Variants in AUTS2 observed in about 807,000 individuals in gnomAD.
AUTS2 encodes activator of transcription and developmental regulator AUTS2.
Under a neutral mutation model 112.4 loss-of-function variants are expected in AUTS2, and 17 were observed. The ratio of observed to expected loss-of-function variants is 0.15; its 90% confidence interval spans 0.10 to 0.23. AUTS2 has a LOEUF of 0.23. Among genes scored for constraint, AUTS2 ranks in the 10% least tolerant of loss-of-function variants. The probability of loss-of-function intolerance (pLI) is 1.00; values close to 1 mark genes in which losing one functional copy is unlikely to be tolerated. For synonymous variants in AUTS2, 751 were observed against 702.7 expected (o/e 1.07, Z -1.09); for missense variants, 1,510 against 1,701.6 (o/e 0.89, Z 1.98).
chr7:70,745,768 T>C (rs1337864061), intron 6 of AUTS2, among the ~76,000 whole-genome samples: 1 of 152,204 alleles, frequency 6.6e-6, no homozygotes, highest in Non-Finnish European at 1.5e-5. Flanking sequence ...AGTTTTATTG[T>C]ATATTGAAAA....
chr7:70,103,277 C>G (rs1804595366), intron 2 of AUTS2, among the ~76,000 whole-genome samples: 1 of 152,166 alleles, frequency 6.6e-6, no homozygotes, highest in South Asian at 2.1e-4. Flanking sequence ...GAATTCTAGG[C>G]CCATCTCTTC....
intron 5 of AUTS2, among the ~76,000 whole-genome samples, chr7:70,643,543 T>C (rs1805973698): frequency 1.3e-5 from 2 of 152,146 alleles, no homozygotes; most frequent in Non-Finnish European, 2.9e-5. Context: ...TGCACTCCAG[T>C]CTGGCAACAG....
At chr7:70,643,755 A>T (rs1434301866) in intron 5 of AUTS2, among the ~76,000 whole-genome samples, 1 of 152,020 alleles carries the variant, frequency 6.6e-6, no homozygotes, top group Non-Finnish European at 1.5e-5. Context: ...ATCATCTCTG[A>T]TCTCTCTCTT....
chr7:69,639,525 A>G (rs1794706619), intron 1 of AUTS2, among the ~76,000 whole-genome samples: 1 of 152,248 alleles, frequency 6.6e-6, no homozygotes, highest in African/African-American at 2.4e-5. Flanking sequence ...CTGTGGGCAG[A>G]ACCTAGAACT....
At chr7:69,685,954 T>G (rs1423308408) in intron 1 of AUTS2, among the ~76,000 whole-genome samples, 1 of 152,112 alleles carries the variant, frequency 6.6e-6, no homozygotes, top group Non-Finnish European at 1.5e-5. Flanking sequence ...GAGGTAGGTC[T>G]GAAAACATGA....
At chr7:70,258,228 G>C (rs1562827802) in intron 4 of AUTS2, among the ~76,000 whole-genome samples, 1 of 152,190 alleles carries the variant, frequency 6.6e-6, no homozygotes, top group Admixed American at 6.5e-5. Context: ...TGACAATGTT[G>C]AGACTGTAGT....
intron 1 of AUTS2, among the ~76,000 whole-genome samples, chr7:69,892,894 A>G (rs1794588347): frequency 6.6e-6 from 1 of 152,222 alleles, no homozygotes; most frequent in Admixed American, 6.5e-5. Flanking sequence ...AGTTGTTGAT[A>G]TATGTGTGGG....
rs1791753950 is a variant in AUTS2, at chr7:70,789,739, C to G, written c.2532-9C>G. 6 of 1,605,974 alleles carry G rather than the reference C, an allele frequency of 3.7e-6. No homozygotes were observed. The highest frequency in any genetic ancestry group is 2.7e-5 in the African/African-American group (2 of 74,686). On this transcript the variant is annotated splice_polypyrimidine_tract_variant and intron_variant, in intron 18 of 18. Transcript: ENST00000342771. ...CATCTGCGTCCTTGTCTTCCCCTCT[C>G]TCCCCCAGGGAAAGCGTCGAGAAGA...
At chr7:69,611,606 C>T (rs1218375741) in intron 1 of AUTS2, among the ~76,000 whole-genome samples, 1 of 152,214 alleles carries the variant, frequency 6.6e-6, no homozygotes, top group Non-Finnish European at 1.5e-5. Context: ...CTCAGCATGT[C>T]TATACTGCCT....
intron 4 of AUTS2, among the ~76,000 whole-genome samples, chr7:70,426,120 A>G (rs1192336799): frequency 6.6e-6 from 1 of 152,206 alleles, no homozygotes; most frequent in East Asian, 1.9e-4. Context: ...GTCTGGCTCC[A>G]TAGTTATATA....
intron 5 of AUTS2, among the ~76,000 whole-genome samples, chr7:70,506,176 T>C (rs1798952581): frequency 6.6e-6 from 1 of 152,024 alleles, no homozygotes; most frequent in South Asian, 2.1e-4. Context: ...ATCAGGATCA[T>C]AACAGAAGGT....
At chr7:69,992,094 G>A (rs565311798) in intron 2 of AUTS2, among the ~76,000 whole-genome samples, 3 of 152,280 alleles carry the variant, frequency 2.0e-5, no homozygotes, top group South Asian at 4.1e-4. Flanking sequence ...TGGGCATATC[G>A]TCTTCATGAC....
At chr7:70,408,002 C>T (rs1794612414) in intron 4 of AUTS2, among the ~76,000 whole-genome samples, 2 of 149,052 alleles carry the variant, frequency 1.3e-5, no homozygotes, top group South Asian at 2.1e-4. Context: ...TGCAGTGGGC[C>T]GAGATCGCGC....
chr7:70,246,194 T>C (rs1237374095), intron 4 of AUTS2, among the ~76,000 whole-genome samples: 1 of 152,162 alleles, frequency 6.6e-6, no homozygotes, highest in Non-Finnish European at 1.5e-5. Flanking sequence ...AAAAAGTTCT[T>C]AATGATAGAA....
intron 4 of AUTS2, among the ~76,000 whole-genome samples, chr7:70,270,958 G>T (rs897611940): frequency 1.3e-5 from 2 of 152,040 alleles, no homozygotes; most frequent in Non-Finnish European, 2.9e-5. Flanking sequence ...CCCTGAGTGC[G>T]GGCAAGCCTC....
At position 69,837,416 on chromosome 7, in the gene AUTS2, C is replaced by T. The variant is rs545855539; in HGVS notation, c.310-61870C>T. The stretch of plus-strand genomic sequence containing the variant: ...GGTAGGGTTCAGCTTTGAATCTAGA[C>T]GTCTCTCTCCTGGTTACCTTTTGTT... On this transcript the variant is annotated intron_variant, in intron 1 of 18. Transcript: ENST00000342771. Among the ~76,000 whole-genome samples, 75 of 152,224 alleles carry T rather than the reference C, an allele frequency of 4.9e-4. 1 individual carries two copies. The highest frequency in any genetic ancestry group is 4.3e-4 in the Non-Finnish European group (29 of 68,002).
At position 70,477,105 on chromosome 7, in the gene AUTS2, C is replaced by T. The variant is rs565178872; in HGVS notation, c.690+41324C>T. Among the ~76,000 whole-genome samples the T allele has an allele frequency of 5.9e-5, 9 of 152,258 alleles. No individual in the cohort carries two copies. In the South Asian group the frequency reaches 1.9e-3, roughly 32 times the overall value. ...CAAGTACACAATTTATTTTGACCTC[C>T]CAACACCTTTGGACAATTCCAGGCT... On this transcript the variant is annotated intron_variant, in intron 5 of 18. Transcript: ENST00000342771.
intron 6 of AUTS2, among the ~76,000 whole-genome samples, chr7:70,721,151 C>T (rs991162099): frequency 1.3e-5 from 2 of 151,838 alleles, no homozygotes; most frequent in African/African-American, 4.8e-5. Context: ...CTACTGGGCT[C>T]CTGATATACG....
chr7:70,365,724 A>G (rs1792538250), intron 4 of AUTS2, among the ~76,000 whole-genome samples: 1 of 152,248 alleles, frequency 6.6e-6, no homozygotes, highest in Non-Finnish European at 1.5e-5. Flanking sequence ...GATAAGATCA[A>G]TTTTAAGATA....
Sources: gnomAD v4.1 joint callset for allele counts (sites outside exome capture counted in the v4.1 genomes callset) on GRCh38, gnomAD v4.1.1 for gene constraint, MANE v1.5 for transcripts, NCBI Gene and HGNC (gene_info 2026-07-23, HGNC 2026-07-21) for gene names.